The following PYHIN1 variants were observed in gnomAD, a reference collection of about 807,000 sequenced individuals.
PYHIN1 encodes pyrin and HIN domain-containing protein 1.
A neutral mutation model predicts 43.7 loss-of-function variants in PYHIN1; 32 were observed. That is an observed-to-expected ratio of 0.73 (90% confidence interval 0.55 to 0.98). PYHIN1 has a LOEUF of 0.98. Among genes scored for constraint, PYHIN1 ranks in the 50% least tolerant of loss-of-function variants. The pLI is 0.00. For synonymous variants in PYHIN1, 205 were observed against 203.1 expected (o/e 1.01, Z -0.08); for missense variants, 588 against 589.5 (o/e 1.00, Z 0.03).
At chr1:158,944,063 T>G (rs1358107311) in intron 6 of PYHIN1, 85 bp downstream of exon 6, 4 of 1,178,994 alleles carry the variant, frequency 3.4e-6, no homozygotes, top group Non-Finnish European at 4.7e-6. Flanking sequence ...TCTGTTGTTT[T>G]ACACTTAAAA....
intron 1 of PYHIN1, 56 bp from the exon 2 acceptor site, chr1:158,936,835 T>G: frequency 8.3e-7 from 1 of 1,205,924 alleles, no homozygotes; most frequent in Non-Finnish European, 1.1e-6. Context: ...GGCATACATC[T>G]TCTTTTAAAT....
intron 4 of PYHIN1, chr1:158,940,281 C>T (rs1648835136): frequency 6.9e-6 from 1 of 144,264 alleles, no homozygotes; most frequent in African/African-American, 2.5e-5. Flanking sequence ...AAGATATGAA[C>T]CACTACAGCT....
At chr1:158,962,314 G>A (rs1435066782) in intron 7 of PYHIN1, among the ~76,000 whole-genome samples, 1 of 152,178 alleles carries the variant, frequency 6.6e-6, no homozygotes, top group Admixed American at 6.5e-5. Context: ...AGCTCCTAGA[G>A]GGAAAGGTAG....
chr1:158,948,332 A>C (rs182439921), intron 7 of PYHIN1, among the ~76,000 whole-genome samples: 1 of 152,236 alleles, frequency 6.6e-6, no homozygotes, highest in African/African-American at 2.4e-5. Context: ...AGGATTCTAA[A>C]ATTTTAGTTT....
intron 6 of PYHIN1, 42 bp downstream of exon 6, chr1:158,944,020 A>T (rs372335127): frequency 6.6e-7 from 1 of 1,510,782 alleles, no homozygotes; most frequent in Non-Finnish European, 9.0e-7. Flanking sequence ...CAAAGATGAA[A>T]ATCATTTGCT....
At chr1:158,950,984 A>G (rs1571745778) in intron 7 of PYHIN1, among the ~76,000 whole-genome samples, 1 of 152,336 alleles carries the variant, frequency 6.6e-6, no homozygotes, top group Admixed American at 6.5e-5. Flanking sequence ...GATGAGTGTT[A>G]GTATCAACGG....
downstream of PYHIN1, among the ~76,000 whole-genome samples, chr1:158,981,983 AAACTG>A (rs1425525180): frequency 3.9e-5 from 6 of 152,084 alleles, no homozygotes; most frequent in Non-Finnish European, 8.8e-5. Context: ...ATTTTTAATG[AAACTG>A]TTTGGTTTTT....
downstream of PYHIN1, among the ~76,000 whole-genome samples, chr1:158,977,964 T>C (rs780660701): frequency 1.1e-4 from 17 of 152,060 alleles, no homozygotes; most frequent in Non-Finnish European, 2.4e-4. Context: ...CTTAAAATTA[T>C]GAAAAAGTAG....
intron 7 of PYHIN1, among the ~76,000 whole-genome samples, chr1:158,965,304 A>T (rs1650571481): frequency 2.0e-5 from 3 of 152,196 alleles, no homozygotes; most frequent in Non-Finnish European, 4.4e-5. Context: ...AGACTTCAAT[A>T]CCACACTGGC....
intron 1 of PYHIN1, among the ~76,000 whole-genome samples, 170 bp from the exon 2 acceptor site, chr1:158,936,721 C>A (rs1488963213): frequency 6.6e-6 from 1 of 152,150 alleles, no homozygotes; most frequent in Non-Finnish European, 1.5e-5. Flanking sequence ...CTATCTATGA[C>A]AAACCCACAG....
intron 7 of PYHIN1, among the ~76,000 whole-genome samples, chr1:158,967,021 A>T (rs1650670395): frequency 6.6e-6 from 1 of 152,184 alleles, no homozygotes; most frequent in African/African-American, 2.4e-5. Context: ...AAGTTTCAGG[A>T]TACAAAATCA....
intron 7 of PYHIN1, among the ~76,000 whole-genome samples, chr1:158,954,006 G>C (rs572248270): frequency 5.5e-4 from 64 of 115,434 alleles, no homozygotes; most frequent in African/African-American, 2.1e-3. Flanking sequence ...TATCAGCAAT[G>C]GAAGATGAAA....
intron 4 of PYHIN1, chr1:158,939,625 T>A: frequency 8.8e-7 from 1 of 1,139,244 alleles, no homozygotes; most frequent in South Asian, 1.3e-5. Context: ...ACACACCATA[T>A]TTCTTTCACC....
At chr1:158,939,448 C>A (rs1303537216) in intron 4 of PYHIN1, 15 of 1,551,872 alleles carry the variant, frequency 9.7e-6, no homozygotes, top group Non-Finnish European at 1.3e-5. Context: ...AGGAAGTTTT[C>A]TGTCCTGTGC....
chr1:158,957,098 TAAAAG>T (rs1649987412), intron 7 of PYHIN1, among the ~76,000 whole-genome samples: 1 of 144,538 alleles, frequency 6.9e-6, no homozygotes, highest in South Asian at 2.3e-4. Context: ...CTCAAGGAAA[TAAAAG>T]AGGATACAAA....
chr1:158,941,299 C>A (rs1293093705), intron 4 of PYHIN1, among the ~76,000 whole-genome samples: 2 of 152,160 alleles, frequency 1.3e-5, no homozygotes, highest in African/African-American at 4.8e-5. Context: ...TAAAGACAAT[C>A]CACTCTGATC....
chr1:158,989,864 C>A, the PYHIN1 span, among the ~76,000 whole-genome samples: 1 of 148,530 alleles, frequency 6.7e-6, no homozygotes, highest in Non-Finnish European at 1.5e-5. Flanking sequence ...CAGTTTATAA[C>A]ATTTATTAAT....
intron 2 of PYHIN1, among the ~76,000 whole-genome samples, chr1:158,937,847 A>G (rs1220867639): frequency 5.3e-5 from 8 of 151,542 alleles, no homozygotes; most frequent in Non-Finnish European, 1.0e-4. Flanking sequence ...TCGGAGGCTG[A>G]GGCAGGAGAA....
intron 7 of PYHIN1, among the ~76,000 whole-genome samples, chr1:158,959,569 A>G (rs189631235): frequency 6.6e-6 from 1 of 152,320 alleles, no homozygotes; most frequent in Admixed American, 6.5e-5. Context: ...CTTTTACAAA[A>G]CCTTCCGGCC....
Sources: gnomAD v4.1 joint callset for allele counts (sites outside exome capture counted in the v4.1 genomes callset) on GRCh38, gnomAD v4.1.1 for gene constraint, MANE v1.5 for transcripts, NCBI Gene and HGNC (gene_info 2026-07-23, HGNC 2026-07-21) for gene names.